The following SLC25A21 variants were observed in gnomAD, a reference collection of about 807,000 sequenced individuals.
The protein encoded by SLC25A21 is solute carrier family 25 member 21, also known as mitochondrial 2-oxodicarboxylate carrier.
A neutral mutation model predicts 43.8 loss-of-function variants in SLC25A21; 47 were observed. That is an observed-to-expected ratio of 1.07 (90% CI 0.85 to 1.37). SLC25A21 has a LOEUF of 1.37. Among genes scored for constraint, SLC25A21 ranks in the 40% most tolerant of loss-of-function variants. The pLI, the probability that SLC25A21 is intolerant of heterozygous loss-of-function variation, is 0.00. For missense variants in SLC25A21, 352 were observed against 350.2 expected (o/e 1.00, Z -0.04); for synonymous variants, 131 against 121.3 (o/e 1.08, Z -0.52).
intron 3 of SLC25A21, among the ~76,000 whole-genome samples, chr14:36,807,518 C>T (rs1888085224): frequency 6.6e-6 from 1 of 152,118 alleles, no homozygotes. Context: ...CCAATATCCC[C>T]CCACCCACAC....
intron 1 of SLC25A21, among the ~76,000 whole-genome samples, chr14:36,978,483 G>A (rs1332239466): frequency 6.6e-6 from 1 of 152,124 alleles, no homozygotes; most frequent in African/African-American, 2.4e-5. Flanking sequence ...TAGACATGCT[G>A]GACACAGGGC....
intron 1 of SLC25A21, among the ~76,000 whole-genome samples, chr14:37,108,677 G>A (rs540287945): frequency 1.3e-5 from 2 of 151,260 alleles, no homozygotes; most frequent in East Asian, 1.9e-4. Flanking sequence ...CCTACATACT[G>A]GGAATTAAAA....
intron 3 of SLC25A21, among the ~76,000 whole-genome samples, chr14:36,770,415 T>A (rs935725210): frequency 1.4e-4 from 22 of 152,150 alleles, no homozygotes; most frequent in African/African-American, 5.3e-4. Flanking sequence ...AACTGTTGGA[T>A]AATATGCTCA....
In SLC25A21 at chr14:36,738,033, C is replaced by T. The variant is rs576798561; in HGVS notation, c.204-3460G>A. 8.9e-4 allele frequency among the ~76,000 whole-genome samples: 136 copies of T among 152,262 alleles called. 1 individual carries two copies. The highest frequency in any genetic ancestry group is 3.2e-3 in the African/African-American group (132 of 41,550). On this transcript the variant is annotated intron_variant, in intron 3 of 9. Transcript: ENST00000331299. ...GCATTCATCATTTATAACCCAGAGC[C>T]CTGGATCCAGAAAGTAAGCATCACT... is the stretch of plus-strand genomic sequence containing the variant.
intron 1 of SLC25A21, among the ~76,000 whole-genome samples, chr14:37,009,200 G>T (rs1960675113): frequency 6.6e-6 from 1 of 151,990 alleles, no homozygotes; most frequent in Non-Finnish European, 1.5e-5. Flanking sequence ...AACTTAGATA[G>T]CTTAGGGCTG....
chr14:37,010,717 T>G (rs538800748), intron 1 of SLC25A21, among the ~76,000 whole-genome samples: 1 of 152,304 alleles, frequency 6.6e-6, no homozygotes, highest in East Asian at 1.9e-4. Flanking sequence ...TTTGAATGCA[T>G]ATAAATCCTA....
intron 2 of SLC25A21, among the ~76,000 whole-genome samples, chr14:36,862,370 C>G (rs1001089678): frequency 6.6e-6 from 1 of 152,162 alleles, no homozygotes; most frequent in South Asian, 2.1e-4. Context: ...AAATGCCCAT[C>G]AATGACAGAC....
chr14:37,043,940 GTT>G (rs59081965), intron 1 of SLC25A21, among the ~76,000 whole-genome samples: 6 of 56,756 alleles, frequency 1.1e-4, no homozygotes, highest in Admixed American at 1.7e-4. Flanking sequence ...ATGTTTTTTT[GTT>G]TTTTTTTTTT....
At chr14:37,166,765 G>T (rs946280142) in intron 1 of SLC25A21, among the ~76,000 whole-genome samples, 3 of 152,164 alleles carry the variant, frequency 2.0e-5, no homozygotes, top group African/African-American at 7.2e-5. Flanking sequence ...AATTTCAATA[G>T]GTAGAGATAT....
chr14:36,778,276 G>C (rs1320487695), intron 3 of SLC25A21, among the ~76,000 whole-genome samples: 1 of 152,184 alleles, frequency 6.6e-6, no homozygotes, highest in Non-Finnish European at 1.5e-5. Flanking sequence ...CAGTCGGAAG[G>C]GGATGGTGCG....
intron 1 of SLC25A21, among the ~76,000 whole-genome samples, chr14:36,899,479 T>C (rs1403999702): frequency 6.6e-6 from 1 of 152,106 alleles, no homozygotes; most frequent in East Asian, 1.9e-4. Context: ...AAGGAAGAAA[T>C]GGGATTGGCC....
rs187083600 is a variant in SLC25A21 at position 36,794,684 on chromosome 14, G to A, written c.203+19234C>T. Among the ~76,000 whole-genome samples, 355 of 151,690 alleles carry A rather than the reference G, an allele frequency of 2.3e-3. 2 individuals are homozygous for A. Among genetic ancestry groups the A allele is most frequent in the Non-Finnish European group, 3.5e-3 (238 of 67,954 alleles). On this transcript the variant is annotated intron_variant, in intron 3 of 9. Coordinates refer to ENST00000331299, the MANE Select transcript of SLC25A21 (RefSeq NM_030631.4). The stretch of plus-strand genomic sequence containing the variant: ...CTTGGGAGACTGAGACAGGAGAATC[G>A]CTTGAATCTGGGAGGCAGAGGTTGC...
intron 1 of SLC25A21, among the ~76,000 whole-genome samples, chr14:37,007,480 G>T (rs1293470056): frequency 6.6e-6 from 1 of 151,976 alleles, no homozygotes; most frequent in Non-Finnish European, 1.5e-5. Context: ...GCGATTGCCT[G>T]TAATCCTAGC....
intron 1 of SLC25A21, among the ~76,000 whole-genome samples, chr14:37,134,929 C>G (rs1963452650): frequency 7.2e-6 from 1 of 139,470 alleles, no homozygotes; most frequent in African/African-American, 2.7e-5. Context: ...CTCATCTCTA[C>G]TTTTTTTTTT....
chr14:36,991,104 T>A (rs1326066080), intron 1 of SLC25A21, among the ~76,000 whole-genome samples: 1 of 152,152 alleles, frequency 6.6e-6, no homozygotes, highest in Admixed American at 6.6e-5. Context: ...ATAATGTAAA[T>A]AGTCCAGTGG....
At chr14:36,699,932 G>A (rs1227041679) in intron 7 of SLC25A21, among the ~76,000 whole-genome samples, 1 of 152,174 alleles carries the variant, frequency 6.6e-6, no homozygotes, top group African/African-American at 2.4e-5. Flanking sequence ...TCCTGCTTCA[G>A]TTCACCCTCC....
intron 1 of SLC25A21, among the ~76,000 whole-genome samples, chr14:37,135,480 G>A (rs181161983): frequency 3.9e-5 from 6 of 152,148 alleles, no homozygotes; most frequent in Admixed American, 1.3e-4. Flanking sequence ...CCCCACCCTC[G>A]GCCTCCCAAA....
intron 1 of SLC25A21, among the ~76,000 whole-genome samples, chr14:37,045,138 G>C (rs955165753): frequency 6.6e-6 from 1 of 152,060 alleles, no homozygotes; most frequent in Non-Finnish European, 1.5e-5. Flanking sequence ...CTTTCAAATC[G>C]AAAGTTACAT....
chr14:37,009,805 TACAGCACAGG>T (rs1960690661), intron 1 of SLC25A21, among the ~76,000 whole-genome samples: 1 of 152,304 alleles, frequency 6.6e-6, no homozygotes, highest in Admixed American at 6.5e-5. Flanking sequence ...ATGTTCACCA[TACAGCACAGG>T]ACAGGCACAA....
Sources: allele counts gnomAD v4.1 joint callset (sites outside exome capture counted in the v4.1 genomes callset), GRCh38; gene constraint gnomAD v4.1.1; transcripts MANE v1.5; gene names NCBI Gene and HGNC (gene_info 2026-07-23, HGNC 2026-07-21).